The following ZNF385D variants were observed in gnomAD, a reference collection of about 807,000 sequenced individuals.
ZNF385D encodes the protein zinc finger protein 385D.
A neutral mutation model predicts 35.8 loss-of-function variants in ZNF385D; 15 were observed. The ratio of observed to expected loss-of-function variants is 0.42; its 90% confidence interval spans 0.28 to 0.64. ZNF385D has a LOEUF of 0.64. Ranked by LOEUF, ZNF385D falls within the 30% of genes least tolerant of loss-of-function variation. The pLI is 0.23. For synonymous variants in ZNF385D, 212 were observed against 186.8 expected (o/e 1.13, Z -1.10); for missense variants, 474 against 494.6 (o/e 0.96, Z 0.39).
intron 3 of ZNF385D, among the ~76,000 whole-genome samples, chr3:21,854,485 A>G (rs1401142107): frequency 1.3e-5 from 2 of 151,960 alleles, no homozygotes; most frequent in African/African-American, 4.8e-5. Context: ...TAGGCCTTGC[A>G]CTTGGTTTAA....
chr3:22,169,581 C>T (rs927199660), intron 2 of ZNF385D, among the ~76,000 whole-genome samples: 2 of 152,166 alleles, frequency 1.3e-5, no homozygotes, highest in Admixed American at 6.5e-5. Flanking sequence ...AAGATACTAA[C>T]ACTCTTTCAA....
chr3:21,737,072 T>C (rs1401912877), intron 1 of ZNF385D, among the ~76,000 whole-genome samples: 1 of 152,104 alleles, frequency 6.6e-6, no homozygotes, highest in Non-Finnish European at 1.5e-5. Context: ...CCCGAGTAAC[T>C]GGGATAACAG....
chr3:22,249,900 A>T (rs903248199), intron 2 of ZNF385D, among the ~76,000 whole-genome samples: 5 of 152,152 alleles, frequency 3.3e-5, no homozygotes, highest in African/African-American at 1.2e-4. Flanking sequence ...CCATCACATG[A>T]GCTACAAGGA....
At chr3:22,215,815 G>A (rs941935896) in intron 2 of ZNF385D, among the ~76,000 whole-genome samples, 3 of 151,934 alleles carry the variant, frequency 2.0e-5, no homozygotes, top group Non-Finnish European at 4.4e-5. Context: ...GGCTCAAGGG[G>A]CATCACGGAA....
chr3:22,163,843 T>A (rs1056514497), intron 3 of ZNF385D, among the ~76,000 whole-genome samples: 3 of 152,234 alleles, frequency 2.0e-5, no homozygotes, highest in African/African-American at 7.2e-5. Context: ...CAATTGTGCA[T>A]GTTTAAGGAG....
intron 2 of ZNF385D, among the ~76,000 whole-genome samples, chr3:22,352,922 T>C (rs187848320): frequency 2.0e-5 from 3 of 152,274 alleles, no homozygotes; most frequent in Admixed American, 2.0e-4. Flanking sequence ...TCGTATGTGA[T>C]TAGAAGCTCT....
intron 2 of ZNF385D, among the ~76,000 whole-genome samples, chr3:22,237,160 A>G (rs906132675): frequency 6.6e-6 from 1 of 151,040 alleles, no homozygotes; most frequent in Non-Finnish European, 1.5e-5. Flanking sequence ...GGGGGTTCCA[A>G]CCACTCCACG....
At chr3:21,583,963 T>TTTATTTATTTAC (rs2063739470) in intron 2 of ZNF385D, among the ~76,000 whole-genome samples, 1 of 133,146 alleles carries the variant, frequency 7.5e-6, no homozygotes, top group Non-Finnish European at 1.5e-5. Flanking sequence ...TATTTACTTA[T>TTTATTTATTTAC]TTATTTATTT....
chr3:21,715,343 G>A (rs79563722), intron 1 of ZNF385D, among the ~76,000 whole-genome samples: 6,616 of 151,990 alleles, frequency 0.044, 452 homozygotes, highest in African/African-American at 0.15. Context: ...GTGAGACCAT[G>A]TGATATTTGT....
intron 2 of ZNF385D, among the ~76,000 whole-genome samples, chr3:21,590,022 C>T (rs994991781): frequency 2.5e-4 from 38 of 152,108 alleles, no homozygotes; most frequent in Admixed American, 1.4e-3. Context: ...AAGACTCATG[C>T]AGCTGTGGAC....
intron 2 of ZNF385D, among the ~76,000 whole-genome samples, chr3:22,315,271 T>C (rs960623895): frequency 2.0e-5 from 3 of 152,180 alleles, no homozygotes; most frequent in African/African-American, 7.2e-5. Flanking sequence ...AATGCAAGTT[T>C]GGGAAACAAT....
chr3:21,736,132 C>CT (rs2069231712), intron 1 of ZNF385D, among the ~76,000 whole-genome samples: 1 of 152,100 alleles, frequency 6.6e-6, no homozygotes, highest in African/African-American at 2.4e-5. Context: ...CTGAAATTGC[C>CT]TTTTTTGTAA....
At chr3:22,309,794 G>A (rs773555692) in intron 2 of ZNF385D, among the ~76,000 whole-genome samples, 4 of 151,838 alleles carry the variant, frequency 2.6e-5, no homozygotes, top group Non-Finnish European at 5.9e-5. Flanking sequence ...CTATAGTATA[G>A]CCTTTCAAAA....
chr3:22,066,704 A>G (rs1699981487), intron 3 of ZNF385D, among the ~76,000 whole-genome samples: 1 of 152,082 alleles, frequency 6.6e-6, no homozygotes, highest in South Asian at 2.1e-4. Flanking sequence ...CTAGTTAGGA[A>G]GTTACTGCTA....
At chr3:21,591,867 A>G (rs1022377137) in intron 2 of ZNF385D, among the ~76,000 whole-genome samples, 17 of 152,050 alleles carry the variant, frequency 1.1e-4, no homozygotes, top group Non-Finnish European at 2.5e-4. Flanking sequence ...AATGGCTTTC[A>G]TGTTTCAGTT....
intron 3 of ZNF385D, among the ~76,000 whole-genome samples, chr3:21,541,299 C>A (rs2062169690): frequency 6.6e-6 from 1 of 152,116 alleles, no homozygotes; most frequent in Non-Finnish European, 1.5e-5. Context: ...ATGGGTGCTA[C>A]ACAGATTTGG....
intron 4 of ZNF385D, among the ~76,000 whole-genome samples, chr3:21,463,123 G>T (rs1300687503): frequency 8.6e-5 from 13 of 152,034 alleles, no homozygotes; most frequent in African/African-American, 3.1e-4. Context: ...ATGATATTAA[G>T]AGTATTACAA....
chr3:21,686,284 T>G (rs1208483189), intron 1 of ZNF385D, among the ~76,000 whole-genome samples: 1 of 152,184 alleles, frequency 6.6e-6, no homozygotes, highest in Non-Finnish European at 1.5e-5. Context: ...GATTTTTAGG[T>G]TGCTATAATT....
rs777606688 is a variant in ZNF385D at position 21,421,346 on chromosome 3, A to T, written c.1056T>A (p.Ser352Arg). The T allele has an allele frequency of 1.2e-6, 2 of 1,613,588 alleles. No homozygotes were observed. Among genetic ancestry groups the T allele is most frequent in the African/African-American group, 1.3e-5 (1 of 74,896 alleles). The change falls in exon 8 of 8, where the codon AGT (serine) becomes AGA (arginine). Residue 352 changes from serine (S) to arginine (R), a missense_variant. Transcript: ENST00000281523. ...GAGCAGTTCGAAGACTGAAGGGGGA[A>T]CTCACTGCCACTGCTGCTGCGGCTG... Reference protein sequence around the residue: ...AAAAAAAVAVSSPFSLRTAPA... With the variant: ...AAAAAAAVAVRSPFSLRTAPA...
Sources: allele counts gnomAD v4.1 joint callset (sites outside exome capture counted in the v4.1 genomes callset), GRCh38; gene constraint gnomAD v4.1.1; transcripts MANE v1.5; gene names NCBI Gene and HGNC (gene_info 2026-07-23, HGNC 2026-07-21).